XYLB: variants seen among roughly 807,000 people sequenced by gnomAD.
XYLB encodes xylulokinase, also known as xylulose kinase.
Under a neutral mutation model 78.7 loss-of-function variants are expected in XYLB, and 62 were observed. The ratio of observed to expected loss-of-function variants is 0.79; its 90% CI spans 0.64 to 0.97. XYLB has a LOEUF of 0.97. Among genes scored for constraint, XYLB ranks in the 50% least tolerant of loss-of-function variants. The pLI is 0.00. For synonymous variants in XYLB, 245 were observed against 247.4 expected (o/e 0.99, Z 0.09); for missense variants, 687 against 676.8 (o/e 1.02, Z -0.17).
At chr3:38,386,583 G>A (rs548869147) in intron 15 of XYLB, among the ~76,000 whole-genome samples, 4 of 151,394 alleles carry the variant, frequency 2.6e-5, no homozygotes. Context: ...GATTAACTGA[G>A]CAATGTCTAG....
At chr3:38,371,275 ATTT>A (rs59659938) in intron 9 of XYLB, among the ~76,000 whole-genome samples, 8 of 138,930 alleles carry the variant, frequency 5.8e-5, no homozygotes, top group Non-Finnish European at 6.3e-5. Flanking sequence ...TGCACAGCTA[ATTT>A]TTTTTTTTTT....
Position 38,395,568 on chromosome 3 carries a change from G to A in XYLB, c.1350+5G>A, listed in dbSNP as rs770938130. 5 of 1,614,136 alleles carry A rather than the reference G, an allele frequency of 3.1e-6. No individual in the cohort carries two copies. The highest frequency in any genetic ancestry group is 4.2e-6 in the Non-Finnish European group (5 of 1,179,972). On this transcript the variant is annotated splice_donor_5th_base_variant and intron_variant, in intron 16 of 18. Coordinates refer to ENST00000207870, the MANE Select transcript of XYLB (RefSeq NM_005108.4). ...CACAATAGAGAAATCTTACAGGTAA[G>A]CGTTAGTAGTGGGCCTTACACCATG... is the stretch of plus-strand genomic sequence containing the variant.
At position 38,400,304 on chromosome 3, in the gene XYLB, A is replaced by C. The variant is rs115124960; in HGVS notation, c.1439-587A>C. Among the ~76,000 whole-genome samples, 388 of 152,288 alleles carry C rather than the reference A, an allele frequency of 2.5e-3. 1 individual carries two copies. Among genetic ancestry groups the C allele is most frequent in the African/African-American group, 8.9e-3 (370 of 41,570 alleles). On this transcript the variant is annotated intron_variant, in intron 17 of 18. Transcript: ENST00000207870. The stretch of plus-strand genomic sequence containing the variant: ...CTCAGCAAAAGAGGGATCTTAAACC[A>C]ATAATCACTGAAATATATGGGCACA...
At chr3:38,409,400 G>A (rs1308252427) in intron 18 of XYLB, among the ~76,000 whole-genome samples, 4 of 152,112 alleles carry the variant, frequency 2.6e-5, no homozygotes, top group African/African-American at 9.7e-5. Flanking sequence ...AATAATAAGA[G>A]CTATCTATGA....
intron 18 of XYLB, among the ~76,000 whole-genome samples, chr3:38,403,684 G>A (rs975307250): frequency 6.6e-6 from 1 of 152,072 alleles, no homozygotes; most frequent in Non-Finnish European, 1.5e-5. Flanking sequence ...TCTAGGGTAG[G>A]GTCTGGCTCT....
At chr3:38,374,712 T>G (rs1706757650) in intron 11 of XYLB, among the ~76,000 whole-genome samples, 1 of 152,104 alleles carries the variant, frequency 6.6e-6, no homozygotes, top group African/African-American at 2.4e-5. Context: ...AGAAAGTCAT[T>G]GTTCTTTGCT....
chr3:38,379,951 G>A (rs1300384538), intron 15 of XYLB, among the ~76,000 whole-genome samples: 2 of 152,200 alleles, frequency 1.3e-5, no homozygotes, highest in African/African-American at 4.8e-5. Flanking sequence ...TATCTGAAGA[G>A]GGCCTGCTTG....
chr3:38,407,711 A>T (rs1450454667), intron 18 of XYLB, among the ~76,000 whole-genome samples: 1 of 152,096 alleles, frequency 6.6e-6, no homozygotes, highest in Non-Finnish European at 1.5e-5. Context: ...AATGGAAAAC[A>T]AAAAAAGGCA....
chr3:38,427,606 T>A, the XYLB span, among the ~76,000 whole-genome samples: 4 of 152,196 alleles, frequency 2.6e-5, no homozygotes, highest in African/African-American at 9.7e-5. Context: ...TTTCTTTTCT[T>A]TTTTTGAGAC....
chr3:38,357,698 A>G (rs1010958320), intron 2 of XYLB, among the ~76,000 whole-genome samples: 2 of 152,092 alleles, frequency 1.3e-5, no homozygotes, highest in African/African-American at 2.4e-5. Flanking sequence ...AACATTTATT[A>G]TTGACTGTCT....
At position 38,414,417 on chromosome 3, in the gene XYLB, A is replaced by T. The variant is rs995994238; in HGVS notation, c.*1404A>T. 17 of 152,376 alleles carry T rather than the reference A, an allele frequency of 1.1e-4. No individual in the cohort carries two copies. Among genetic ancestry groups the T allele is most frequent in the Admixed American group, 7.8e-4 (12 of 15,288 alleles). The allele number at this position is 152,376 out of a possible 1,614,324, so 9.4% of individuals were successfully genotyped here. On this transcript the variant is annotated 3_prime_UTR_variant, in exon 19 of 19. Coordinates refer to ENST00000207870, the MANE Select transcript of XYLB (RefSeq NM_005108.4). ...CAGCAAGCCCAAGATTCCGAAGAAG[A>T]CAGACAACTCCCCCTAGTACCACCT...
At chr3:38,431,816 A>T in the XYLB span, among the ~76,000 whole-genome samples, 1 of 152,186 alleles carries the variant, frequency 6.6e-6, no homozygotes, top group African/African-American at 2.4e-5. Flanking sequence ...CACTGAGTGA[A>T]GGGGAAGCCT....
rs115674444 is a variant in XYLB, at chr3:38,386,781, T to A, written c.1291+7439T>A. ...GGGCTAAAGGGAAAATCATACCAGA[T>A]GGAAAGTCAGAGCTTCAGGAAGGAA... is the stretch of plus-strand genomic sequence containing the variant. On this transcript the variant is annotated intron_variant, in intron 15 of 18. Coordinates refer to ENST00000207870, the MANE Select transcript of XYLB (RefSeq NM_005108.4). Among the ~76,000 whole-genome samples, 574 of 152,348 alleles carry A rather than the reference T, an allele frequency of 3.8e-3. 2 individuals are homozygous for A. The highest frequency in any genetic ancestry group is 6.8e-3 in the Non-Finnish European group (462 of 68,030).
intron 16 of XYLB, 93 bp from the exon 17 acceptor site, chr3:38,396,977 CAT>C: frequency 8.1e-7 from 1 of 1,230,820 alleles, no homozygotes; most frequent in Non-Finnish European, 1.2e-6. Flanking sequence ...GGTCAGAAGA[CAT>C]ATGAGGGAGA....
intron 18 of XYLB, among the ~76,000 whole-genome samples, chr3:38,411,911 A>C (rs1708606506): frequency 6.6e-6 from 1 of 151,708 alleles, no homozygotes; most frequent in Admixed American, 6.6e-5. Context: ...TTGTTACAGG[A>C]GATACTTTTG....
chr3:38,349,332 A>G (rs190142670), intron 2 of XYLB, among the ~76,000 whole-genome samples: 59 of 152,312 alleles, frequency 3.9e-4, no homozygotes, highest in Non-Finnish European at 6.2e-4. Flanking sequence ...TCTAAAAGCT[A>G]TGGTCAGCCA....
chr3:38,400,790 T>A, intron 17 of XYLB, 101 bp from the exon 18 acceptor site: 3 of 913,644 alleles, frequency 3.3e-6, no homozygotes, highest in Non-Finnish European at 5.2e-6. Flanking sequence ...TATAATCCAG[T>A]TTTAGAACAG....
intron 15 of XYLB, among the ~76,000 whole-genome samples, chr3:38,380,987 C>T (rs1401662778): frequency 6.6e-6 from 1 of 152,184 alleles, no homozygotes; most frequent in African/African-American, 2.4e-5. Context: ...GATGGCACTA[C>T]AGGCCAGGCA....
At chr3:38,387,564 G>T (rs1318167865) in intron 15 of XYLB, among the ~76,000 whole-genome samples, 1 of 152,032 alleles carries the variant, frequency 6.6e-6, no homozygotes, top group Non-Finnish European at 1.5e-5. Context: ...TAGAGATGGG[G>T]TTTCACCATG....
Sources: allele counts gnomAD v4.1 joint callset (sites outside exome capture counted in the v4.1 genomes callset), GRCh38; gene constraint gnomAD v4.1.1; transcripts MANE v1.5; gene names NCBI Gene and HGNC (gene_info 2026-07-23, HGNC 2026-07-21).